CCDC91: variants seen among roughly 807,000 people sequenced by gnomAD.
The protein encoded by CCDC91 is coiled-coil domain-containing protein 91.
A neutral mutation model predicts 63.2 loss-of-function variants in CCDC91; 48 were observed. The ratio of observed to expected loss-of-function variants is 0.76; its 90% CI spans 0.60 to 0.97. The LOEUF is 0.97. Among genes scored for constraint, CCDC91 ranks in the 50% least tolerant of loss-of-function variants. The pLI is 0.00. For synonymous variants in CCDC91, 167 were observed against 165.8 expected, an observed-to-expected ratio of 1.01 and a Z score of -0.06; for missense variants, 500 against 494.6, an observed-to-expected ratio of 1.01 and a Z score of -0.10.
chr12:28,430,948 A>G (rs1391506777), intron 8 of CCDC91, among the ~76,000 whole-genome samples: 1 of 152,118 alleles, frequency 6.6e-6, no homozygotes, highest in African/African-American at 2.4e-5. Context: ...AATGGCCTGT[A>G]CTTGCTCAGT....
intron 11 of CCDC91, among the ~76,000 whole-genome samples, chr12:28,478,925 A>G (rs1015772547): frequency 3.9e-5 from 6 of 152,190 alleles, no homozygotes; most frequent in Admixed American, 1.3e-4. Flanking sequence ...ACCATCTCAC[A>G]CCATTTAGAA....
chr12:28,375,388 A>G (rs1944883426), intron 7 of CCDC91, among the ~76,000 whole-genome samples: 1 of 151,840 alleles, frequency 6.6e-6, no homozygotes, highest in Admixed American at 6.6e-5. Flanking sequence ...ATAGATTCTT[A>G]TTTCAGTCTT....
At chr12:28,433,374 T>C (rs1948732592) in intron 8 of CCDC91, among the ~76,000 whole-genome samples, 2 of 152,026 alleles carry the variant, frequency 1.3e-5, no homozygotes, top group South Asian at 4.1e-4. Flanking sequence ...TTAGGTCTTA[T>C]TTTGAATTAA....
At chr12:28,237,919 T>G (rs1269805107) in intron 1 of CCDC91, among the ~76,000 whole-genome samples, 1 of 152,208 alleles carries the variant, frequency 6.6e-6, no homozygotes, top group Non-Finnish European at 1.5e-5. Flanking sequence ...TATTACATCC[T>G]TATACATTGG....
chr12:28,252,212 A>T (rs1284627645), intron 1 of CCDC91, among the ~76,000 whole-genome samples: 1 of 151,838 alleles, frequency 6.6e-6, no homozygotes, highest in Admixed American at 6.6e-5. Flanking sequence ...AGCTTGTAGG[A>T]TCTTCCCTTT....
intron 11 of CCDC91, among the ~76,000 whole-genome samples, chr12:28,475,917 G>T (rs1377304431): frequency 2.0e-5 from 3 of 151,852 alleles, no homozygotes; most frequent in South Asian, 2.1e-4. Flanking sequence ...AGACATTATG[G>T]TTACTAGAAA....
Position 28,549,371 on chromosome 12 carries a change from C to T in CCDC91, c.*198C>T. ...TCTTTTGGTTTCTTCTTTACATTTACTGTTATTTTATTATTATTAGTAGTA... is the reference window on the plus strand; with the variant it reads ...TCTTTTGGTTTCTTCTTTACATTTATTGTTATTTTATTATTATTAGTAGTA... On this transcript the variant is annotated 3_prime_UTR_variant, in exon 13 of 13. Coordinates refer to ENST00000536442, the MANE Select transcript of CCDC91 (RefSeq NM_018318.5). 1 of 413,280 alleles carries T rather than the reference C, an allele frequency of 2.4e-6. No homozygotes were observed. Among genetic ancestry groups the T allele is most frequent in the South Asian group, 4.2e-5 (1 of 23,830 alleles). 25.6% of individuals were successfully genotyped at this position (413,280 alleles called of 1,614,324 possible).
chr12:28,334,172 C>G (rs1941744894), intron 6 of CCDC91, among the ~76,000 whole-genome samples: 1 of 151,866 alleles, frequency 6.6e-6, no homozygotes, highest in Non-Finnish European at 1.5e-5. Flanking sequence ...ATGTGAGGCG[C>G]TATATGTGGC....
intron 12 of CCDC91, among the ~76,000 whole-genome samples, chr12:28,537,933 C>A (rs1241506486): frequency 6.6e-6 from 1 of 151,978 alleles, no homozygotes; most frequent in Non-Finnish European, 1.5e-5. Context: ...GTCCATAATT[C>A]CTAAAATTAA....
intron 6 of CCDC91, among the ~76,000 whole-genome samples, chr12:28,337,002 C>G (rs1028541266): frequency 6.6e-6 from 1 of 152,020 alleles, no homozygotes; most frequent in Non-Finnish European, 1.5e-5. Flanking sequence ...GTCAATAGCT[C>G]TGTGTTTCAT....
At chr12:28,480,247 A>G (rs746653852) in intron 11 of CCDC91, among the ~76,000 whole-genome samples, 1 of 152,002 alleles carries the variant, frequency 6.6e-6, no homozygotes, top group South Asian at 2.1e-4. Flanking sequence ...TGAAACACCT[A>G]TTAAACCTCA....
chr12:28,493,539 C>A (rs1246668786), intron 12 of CCDC91, among the ~76,000 whole-genome samples: 1 of 151,530 alleles, frequency 6.6e-6, no homozygotes, highest in Non-Finnish European at 1.5e-5. Flanking sequence ...CTTAGAGGGA[C>A]AGAACTTACA....
intron 3 of CCDC91, among the ~76,000 whole-genome samples, chr12:28,291,276 T>C (rs1310979524): frequency 1.3e-5 from 2 of 152,138 alleles, no homozygotes; most frequent in African/African-American, 4.8e-5. Context: ...GAAAAAGCGG[T>C]AGTTGGTTGG....
At position 28,305,736 on chromosome 12, in the gene CCDC91, C is replaced by T. The variant is rs1478556631; in HGVS notation, c.197C>T (p.Ala66Val). 1.2e-6 allele frequency: 2 copies of T among 1,612,660 alleles called. No homozygotes were observed. Among genetic ancestry groups the T allele is most frequent in the East Asian group, 2.2e-5 (1 of 44,828 alleles). ...SSSIGCLSSD[A>V]IISSPENTHA... ...TCCATTGGCTGCCTCTCTTCTGATG[C>T]CATTATTTCATCACCAGAGAATACA... Residue 66 changes from alanine (A) to valine (V), a missense_variant, in exon 4 of 13, where the codon GCC (alanine) becomes GTC (valine). By Grantham distance (64) the Ala-to-Val change is moderately conservative (BLOSUM62 0). Coordinates refer to ENST00000536442, the MANE Select transcript of CCDC91 (RefSeq NM_018318.5).
At chr12:28,362,822 G>A (rs1394361810) in intron 7 of CCDC91, among the ~76,000 whole-genome samples, 1 of 152,004 alleles carries the variant, frequency 6.6e-6, no homozygotes, top group Non-Finnish European at 1.5e-5. Flanking sequence ...CTCTGCTGTG[G>A]TTCCTCTGAC....
intron 11 of CCDC91, among the ~76,000 whole-genome samples, chr12:28,467,285 C>A (rs1446202492): frequency 6.6e-6 from 1 of 151,812 alleles, no homozygotes; most frequent in East Asian, 1.9e-4. Context: ...ATATTCCATG[C>A]CAGTGGAAAC....
At chr12:28,390,942 T>C (rs574479148) in intron 7 of CCDC91, among the ~76,000 whole-genome samples, 10 of 150,786 alleles carry the variant, frequency 6.6e-5, no homozygotes, top group East Asian at 5.8e-4. Flanking sequence ...TTCTTTCTTT[T>C]TTTTTTTTTT....
At chr12:28,376,289 A>C (rs888465238) in intron 7 of CCDC91, among the ~76,000 whole-genome samples, 5 of 151,860 alleles carry the variant, frequency 3.3e-5, no homozygotes, top group African/African-American at 1.2e-4. Context: ...GTGGGTGTGC[A>C]TACGTGTATG....
chr12:28,285,288 G>A (rs754121215), intron 3 of CCDC91, among the ~76,000 whole-genome samples: 7 of 152,032 alleles, frequency 4.6e-5, no homozygotes, highest in South Asian at 2.1e-4. Flanking sequence ...GCTCCTGTTC[G>A]AGGTTGGAAA....
Sources: gnomAD v4.1 joint callset for allele counts (sites outside exome capture counted in the v4.1 genomes callset) on GRCh38, gnomAD v4.1.1 for gene constraint, MANE v1.5 for transcripts, NCBI Gene and HGNC (gene_info 2026-07-23, HGNC 2026-07-21) for gene names.